The following PRKD1 variants were observed in gnomAD, a reference collection of about 807,000 sequenced individuals.
PRKD1 encodes the protein serine/threonine-protein kinase D1.
In PRKD1, 63 loss-of-function variants were observed where a neutral mutation model predicts 95.9. That is an observed-to-expected ratio of 0.66 (90% CI 0.54 to 0.81). The LOEUF is 0.81. PRKD1 is among the 30% of genes least tolerant of loss of function. PRKD1 has a pLI of 0.00. For synonymous variants in PRKD1, 425 were observed against 423.1 expected (o/e 1.00, Z -0.05); for missense variants, 1,048 against 1,165.3 (o/e 0.90, Z 1.47).
chr14:29,927,222 C>A, intron 1 of PRKD1, 27 bp downstream of exon 1: 1 of 1,470,624 alleles, frequency 6.8e-7, no homozygotes, highest in Non-Finnish European at 9.0e-7. Flanking sequence ...GGGGAGGCGC[C>A]GGGCTGGCAG....
intron 1 of PRKD1, among the ~76,000 whole-genome samples, chr14:29,837,161 A>C (rs1409716502): frequency 6.6e-6 from 1 of 152,214 alleles, no homozygotes; most frequent in African/African-American, 2.4e-5. Flanking sequence ...CAACTGTAAA[A>C]GAAGTGAAAG....
intron 13 of PRKD1, among the ~76,000 whole-genome samples, chr14:29,621,372 TTCTC>T (rs557373705): frequency 9.2e-5 from 14 of 151,894 alleles, no homozygotes; most frequent in African/African-American, 3.4e-4. Flanking sequence ...GTTTCTTTCT[TTCTC>T]TCTCTCCCTC....
chr14:29,709,371 C>T (rs1012772273), intron 2 of PRKD1, among the ~76,000 whole-genome samples: 21 of 151,850 alleles, frequency 1.4e-4, no homozygotes, highest in Admixed American at 7.9e-4. Flanking sequence ...AAAATAAATC[C>T]GAGGAGATGA....
chr14:29,849,797 T>A (rs1892233077), intron 1 of PRKD1, among the ~76,000 whole-genome samples: 2 of 151,818 alleles, frequency 1.3e-5, no homozygotes, highest in South Asian at 4.2e-4. Context: ...GATATAAAAA[T>A]CCTCAACAAT....
intron 4 of PRKD1, among the ~76,000 whole-genome samples, chr14:29,647,492 T>A (rs773791891): frequency 6.6e-6 from 1 of 152,206 alleles, no homozygotes; most frequent in Admixed American, 6.5e-5. Context: ...AAACACATTA[T>A]GTGGGAAAAC....
At chr14:29,919,663 A>G (rs1017838338) in intron 1 of PRKD1, among the ~76,000 whole-genome samples, 5 of 150,936 alleles carry the variant, frequency 3.3e-5, no homozygotes, top group African/African-American at 1.2e-4. Context: ...AATTCTATCA[A>G]TAGAAAGAGG....
rs576569129 is a variant in PRKD1, at chr14:29,860,499, C to A, written c.264+66750G>T. 2.5e-3 allele frequency among the ~76,000 whole-genome samples: 375 copies of A among 152,040 alleles called. 1 individual carries two copies. Among genetic ancestry groups the A allele is most frequent in the African/African-American group, 8.9e-3 (366 of 41,304 alleles). ...GTTGCTGCAATCAACCCAAGAAACA[C>A]TACATTGAGATATCACGTTAATTCA... On this transcript the variant is annotated intron_variant, in intron 1 of 17. Coordinates refer to ENST00000331968, the MANE Select transcript of PRKD1 (RefSeq NM_002742.3).
chr14:29,889,415 A>T (rs767274205), intron 1 of PRKD1, among the ~76,000 whole-genome samples: 29 of 152,156 alleles, frequency 1.9e-4, no homozygotes, highest in Admixed American at 1.3e-4. Flanking sequence ...AAGCCAAAGC[A>T]GGGTGGGGCA....
At chr14:29,615,981 T>C (rs1354284275) in intron 13 of PRKD1, among the ~76,000 whole-genome samples, 4 of 152,068 alleles carry the variant, frequency 2.6e-5, no homozygotes, top group Non-Finnish European at 5.9e-5. Context: ...AATGTGAGAC[T>C]GAAGTGCCTG....
rs1020998100 is a variant in PRKD1, at chr14:29,592,057, A to G, written c.2434+5434T>C. On this transcript the variant is annotated intron_variant, in intron 16 of 17. Transcript: ENST00000331968. ...GCGAATATTTAAAAATAGGTACACAAGTTCTTTCAAGGAACCGAGAAGGGT... is the reference window on the plus strand; with the variant it reads ...GCGAATATTTAAAAATAGGTACACAGGTTCTTTCAAGGAACCGAGAAGGGT... 1.8e-4 allele frequency among the ~76,000 whole-genome samples: 28 copies of G among 152,144 alleles called. 1 individual carries two copies. The highest frequency in any genetic ancestry group is 6.3e-4 in the African/African-American group (26 of 41,432).
intron 1 of PRKD1, among the ~76,000 whole-genome samples, chr14:29,825,249 T>C (rs947899016): frequency 6.6e-6 from 1 of 152,092 alleles, no homozygotes; most frequent in Admixed American, 6.6e-5. Context: ...GGCAAAATAA[T>C]GTATAAAAGA....
At chr14:29,836,251 T>C (rs142477086) in intron 1 of PRKD1, among the ~76,000 whole-genome samples, 3 of 152,184 alleles carry the variant, frequency 2.0e-5, no homozygotes, top group East Asian at 3.9e-4. Flanking sequence ...CAGACTGAGG[T>C]TCTGGTATTC....
intron 1 of PRKD1, among the ~76,000 whole-genome samples, chr14:29,731,832 C>CT (rs1204931739): frequency 6.6e-6 from 1 of 150,486 alleles, no homozygotes; most frequent in Admixed American, 6.6e-5. Flanking sequence ...GTATATATGA[C>CT]TCCCTCATCT....
chr14:29,765,461 T>C (rs972770822), intron 1 of PRKD1, among the ~76,000 whole-genome samples: 3 of 152,132 alleles, frequency 2.0e-5, no homozygotes, highest in Non-Finnish European at 2.9e-5. Context: ...TAAAAACCAT[T>C]TCAGAAACAT....
intron 4 of PRKD1, chr14:29,657,377 G>T (rs1342451355): frequency 6.6e-6 from 1 of 152,188 alleles, no homozygotes; most frequent in Non-Finnish European, 1.5e-5. Context: ...TAACAAAAAT[G>T]CATGACTGAG....
chr14:29,677,194 C>T (rs1291823593), intron 2 of PRKD1, among the ~76,000 whole-genome samples: 4 of 152,194 alleles, frequency 2.6e-5, no homozygotes, highest in Admixed American at 2.0e-4. Flanking sequence ...ATTGTACTTA[C>T]TGAAATTGGC....
intron 13 of PRKD1, among the ~76,000 whole-genome samples, chr14:29,604,704 T>C (rs1260201281): frequency 6.6e-6 from 1 of 152,082 alleles, no homozygotes; most frequent in Non-Finnish European, 1.5e-5. Context: ...GAAATCACAA[T>C]CCTTAAACGC....
rs1889521804 is a variant in PRKD1 at position 29,791,027 on chromosome 14, A to G, written c.265-65353T>C. Among the ~76,000 whole-genome samples the G allele has an allele frequency of 3.3e-5, 5 of 152,178 alleles. No homozygotes were observed. The South Asian group carries it at 1.0e-3, about 32-fold the overall frequency. ...CCATGGTCTGCTATTGTATTCACTC[A>G]CATGTGTGGAAAACCAGGTGACTAA... On this transcript the variant is annotated intron_variant, in intron 1 of 17. Transcript: ENST00000331968.
intron 4 of PRKD1, among the ~76,000 whole-genome samples, chr14:29,641,464 T>G (rs907464850): frequency 3.9e-5 from 6 of 152,180 alleles, no homozygotes; most frequent in Non-Finnish European, 8.8e-5. Flanking sequence ...TTGTAGAAAT[T>G]GATTTACTGC....
Sources: gnomAD v4.1 joint callset for allele counts (sites outside exome capture counted in the v4.1 genomes callset) on GRCh38, gnomAD v4.1.1 for gene constraint, MANE v1.5 for transcripts, NCBI Gene and HGNC (gene_info 2026-07-23, HGNC 2026-07-21) for gene names.